The following WASF3 variants were observed in gnomAD, a reference collection of about 807,000 sequenced individuals.
The protein encoded by WASF3 is WASP family member 3.
A neutral mutation model predicts 46.6 loss-of-function variants in WASF3; 11 were observed. The ratio of observed to expected loss-of-function variants is 0.24; its 90% confidence interval spans 0.15 to 0.39. The LOEUF is 0.39. Among genes scored for constraint, WASF3 ranks in the 10% least tolerant of loss-of-function variants. The pLI, the probability that WASF3 is intolerant of heterozygous loss-of-function variation, is 1.00. For missense variants in WASF3, 576 were observed against 669.8 expected (o/e 0.86, Z 1.55); for synonymous variants, 242 against 259.7 (o/e 0.93, Z 0.65).
chr13:26,653,694 G>C (rs1287183523), intron 3 of WASF3, among the ~76,000 whole-genome samples: 1 of 152,136 alleles, frequency 6.6e-6, no homozygotes, highest in Non-Finnish European at 1.5e-5. Flanking sequence ...GCTCTTCTCT[G>C]CCTGTTCTCA....
At chr13:26,567,474 A>G (rs906697984) in intron 1 of WASF3, among the ~76,000 whole-genome samples, 32 of 152,194 alleles carry the variant, frequency 2.1e-4, no homozygotes, top group African/African-American at 7.7e-4. Context: ...GTATTGGAAT[A>G]CAGACGTGTT....
At chr13:26,591,091 G>A (rs1880279070) in intron 1 of WASF3, among the ~76,000 whole-genome samples, 1 of 151,882 alleles carries the variant, frequency 6.6e-6, no homozygotes, top group Non-Finnish European at 1.5e-5. Context: ...AGGTCTTGGT[G>A]GGCTGCTCTC....
chr13:26,556,814 A>G (rs545913141), upstream of WASF3, among the ~76,000 whole-genome samples: 1 of 152,342 alleles, frequency 6.6e-6, no homozygotes, highest in Admixed American at 6.5e-5. Context: ...ATTTTTTCCT[A>G]AAAGTTTTTC....
At chr13:26,669,294 C>CT (rs1882862141) in intron 5 of WASF3, among the ~76,000 whole-genome samples, 3 of 141,516 alleles carry the variant, frequency 2.1e-5, no homozygotes, top group Middle Eastern at 4.6e-3. Context: ...TCACTGCAGC[C>CT]TTTGCCTCCT....
intron 6 of WASF3, among the ~76,000 whole-genome samples, chr13:26,675,649 T>A (rs890357005): frequency 1.5e-5 from 2 of 129,904 alleles, no homozygotes; most frequent in African/African-American, 2.9e-5. Flanking sequence ...AGATGCCATG[T>A]CTGTGTGTGT....
At chr13:26,684,172 A>G (rs887780108) in intron 9 of WASF3, among the ~76,000 whole-genome samples, 4 of 152,174 alleles carry the variant, frequency 2.6e-5, no homozygotes, top group African/African-American at 9.7e-5. Context: ...GTACCTGGAC[A>G]TCATTGACAC....
At chr13:26,557,479 G>A (rs1035724287), upstream of WASF3, among the ~76,000 whole-genome samples, 3 of 150,752 alleles carry the variant, frequency 2.0e-5, no homozygotes, top group Non-Finnish European at 4.4e-5. Flanking sequence ...GGGGGCGGAG[G>A]ACCAAGGGTG....
intron 2 of WASF3, among the ~76,000 whole-genome samples, chr13:26,635,316 T>C (rs1430865644): frequency 3.9e-5 from 6 of 152,254 alleles, no homozygotes; most frequent in African/African-American, 1.4e-4. Flanking sequence ...GAAGTTCTTG[T>C]GCCATGGTTT....
chr13:26,597,715 G>A (rs1440037629), intron 1 of WASF3, among the ~76,000 whole-genome samples: 1 of 152,112 alleles, frequency 6.6e-6, no homozygotes, highest in Non-Finnish European at 1.5e-5. Context: ...AACGTGCGGT[G>A]TTTGGTTTTT....
intron 3 of WASF3, 107 bp downstream of exon 3, chr13:26,642,510 G>T: frequency 7.6e-7 from 1 of 1,318,208 alleles, no homozygotes; most frequent in East Asian, 2.5e-5. Context: ...TTAAGGAAAA[G>T]ATCCTTTCTC....
intron 2 of WASF3, among the ~76,000 whole-genome samples, chr13:26,637,748 A>G (rs1464632438): frequency 6.6e-6 from 1 of 152,132 alleles, no homozygotes; most frequent in African/African-American, 2.4e-5. Context: ...CGTCACTGTA[A>G]TCTTTAGCAA....
At chr13:26,559,216 A>G (rs1436261146) in intron 1 of WASF3, among the ~76,000 whole-genome samples, 1 of 152,164 alleles carries the variant, frequency 6.6e-6, no homozygotes, top group Non-Finnish European at 1.5e-5. Context: ...CTTCATCTTG[A>G]AAGATTTTCT....
chr13:26,686,054 A>T lies in WASF3; in HGVS notation c.*209A>T, dbSNP rs1327297208. ...CTAAACATAGCAAATTGTGCTGCAC[A>T]TGAGGAAATAGGCTGTCACTATCAC... is the stretch of plus-strand genomic sequence containing the variant. On this transcript the variant is annotated 3_prime_UTR_variant, in exon 10 of 10. Coordinates refer to ENST00000335327, the MANE Select transcript of WASF3 (RefSeq NM_006646.6). 3.5e-6 allele frequency: 2 copies of T among 571,960 alleles called. No homozygotes were observed. Among genetic ancestry groups the T allele is most frequent in the Non-Finnish European group, 5.9e-6 (2 of 337,210 alleles). The allele number at this position is 571,960 out of a possible 1,614,324, so 35.4% of individuals were successfully genotyped here.
At chr13:26,580,387 T>G (rs1325307352) in intron 1 of WASF3, among the ~76,000 whole-genome samples, 1 of 152,208 alleles carries the variant, frequency 6.6e-6, no homozygotes, top group African/African-American at 2.4e-5. Context: ...GATGTTCAGT[T>G]GTTTTTCAGA....
chr13:26,606,662 C>T (rs1366136737), intron 1 of WASF3: 2 of 151,940 alleles, frequency 1.3e-5, no homozygotes, highest in Non-Finnish European at 2.9e-5. Flanking sequence ...GGCCCTTTGA[C>T]TACCTCTCGT....
At chr13:26,654,921 T>G (rs1355520823) in intron 3 of WASF3, among the ~76,000 whole-genome samples, 1 of 152,182 alleles carries the variant, frequency 6.6e-6, no homozygotes, top group Non-Finnish European at 1.5e-5. Context: ...TATTATGACT[T>G]GTTATTTTAT....
intron 1 of WASF3, among the ~76,000 whole-genome samples, chr13:26,560,234 ATTC>A (rs1253870120): frequency 6.6e-6 from 1 of 151,996 alleles, no homozygotes; most frequent in Non-Finnish European, 1.5e-5. Flanking sequence ...AGCCCCACAC[ATTC>A]TTCTTCAGGG....
At chr13:26,553,614 G>A (rs1879015402), upstream of WASF3, among the ~76,000 whole-genome samples, 1 of 151,936 alleles carries the variant, frequency 6.6e-6, no homozygotes, top group Non-Finnish European at 1.5e-5. Flanking sequence ...TCAGGAGATC[G>A]AGACCATCCT....
At chr13:26,556,760 C>T (rs1879106262), upstream of WASF3, among the ~76,000 whole-genome samples, 1 of 152,104 alleles carries the variant, frequency 6.6e-6, no homozygotes, top group South Asian at 2.1e-4. Context: ...AAAGAGCAAA[C>T]CAACTTGAAT....
Sources: allele counts gnomAD v4.1 joint callset (sites outside exome capture counted in the v4.1 genomes callset), GRCh38; gene constraint gnomAD v4.1.1; transcripts MANE v1.5; gene names NCBI Gene and HGNC (gene_info 2026-07-23, HGNC 2026-07-21).